The following AKT3 variants were observed in gnomAD, a reference collection of about 807,000 sequenced individuals.
The protein encoded by AKT3 is AKT serine/threonine kinase 3.
A neutral mutation model predicts 65.3 loss-of-function variants in AKT3; 15 were observed. The ratio of observed to expected loss-of-function variants is 0.23; its 90% CI spans 0.15 to 0.35. The LOEUF is 0.35. Ranked by LOEUF, AKT3 falls within the 10% of genes least tolerant of loss-of-function variation. The pLI is 1.00. For synonymous variants in AKT3, 206 were observed against 183.8 expected, an observed-to-expected ratio of 1.12 and a Z score of -0.98; for missense variants, 243 against 576.5, an observed-to-expected ratio of 0.42 and a Z score of 5.92.
chr1:243,808,822 C>T (rs1051179508), intron 2 of AKT3, among the ~76,000 whole-genome samples: 2 of 152,222 alleles, frequency 1.3e-5, no homozygotes, highest in Admixed American at 1.3e-4. Context: ...ATCAGACTAA[C>T]AGCTGATCTC....
intron 12 of AKT3, among the ~76,000 whole-genome samples, chr1:243,535,091 T>TAA (rs1671800958): frequency 1.5e-5 from 2 of 136,366 alleles, no homozygotes; most frequent in South Asian, 4.3e-4. Flanking sequence ...ACATGTTAAG[T>TAA]AAGTGTATTT....
In AKT3 at chr1:243,664,862, T is replaced by G. The variant is rs2147921750; in HGVS notation, c.194A>C (p.Glu65Ala). ...SVAKCQLMKT[E>A]RPKPNTFIIR... Reference sequence around the variant, plus strand: ...TATAAATGTGTTTGGCTTTGGTCGTTCTGTTTTCATTAACTGGCATTCTAA... The same window carrying G: ...TATAAATGTGTTTGGCTTTGGTCGTGCTGTTTTCATTAACTGGCATTCTAA... Residue 65 changes from glutamate (E) to alanine (A), a missense_variant, in exon 4 of 14, where the codon GAA (glutamate) becomes GCA (alanine). Glu to Ala is a moderately radical substitution (Grantham distance 107). Coordinates refer to ENST00000673466, the MANE Select transcript of AKT3 (RefSeq NM_005465.7). 6.4e-7 allele frequency: 1 copy of G among 1,570,404 alleles called. No individual in the cohort carries two copies. The highest frequency in any genetic ancestry group is 1.7e-4 in the Middle Eastern group (1 of 5,948).
intron 2 of AKT3, among the ~76,000 whole-genome samples, chr1:243,805,424 C>T (rs772362192): frequency 6.6e-6 from 1 of 152,130 alleles, no homozygotes; most frequent in Non-Finnish European, 1.5e-5. Context: ...TTTTCTCTAA[C>T]TTAAAAAAAA....
intron 5 of AKT3, among the ~76,000 whole-genome samples, chr1:243,641,468 T>C (rs1680394767): frequency 1.3e-5 from 2 of 151,882 alleles, no homozygotes; most frequent in African/African-American, 4.8e-5. Context: ...CATTTTTTTA[T>C]TTAAAAGCAC....
rs955757904 is a variant in AKT3 at position 243,500,363 on chromosome 1, C to T, written c.*4886G>A. The T allele has an allele frequency of 4.4e-6, 1 of 225,036 alleles. No homozygotes were observed. The highest frequency in any genetic ancestry group is 2.2e-5 in the African/African-American group (1 of 44,892). 13.9% of individuals were successfully genotyped at this position (225,036 alleles called of 1,614,324 possible). A position where few individuals can be genotyped will look rare whatever the true frequency, so the allele number is the denominator to read the frequency against. On this transcript the variant is annotated 3_prime_UTR_variant, in exon 14 of 14. Transcript: ENST00000673466. ...GCATTACTCTTTCCATTCTGTTAAA[C>T]AACGAAAACAGACAAAAAAGCATCT...
intron 2 of AKT3, among the ~76,000 whole-genome samples, chr1:243,816,868 G>A (rs1693557003): frequency 6.6e-6 from 1 of 152,132 alleles, no homozygotes; most frequent in Admixed American, 6.5e-5. Flanking sequence ...GATTACAGGA[G>A]GCCATAAATT....
intron 8 of AKT3, chr1:243,612,637 T>C (rs1000447331): frequency 1.3e-5 from 2 of 154,820 alleles, no homozygotes; most frequent in South Asian, 2.1e-4. Flanking sequence ...TTCCCTCACA[T>C]TGACTGTGAT....
At chr1:243,849,442 G>T (rs1453634355) in intron 1 of AKT3, among the ~76,000 whole-genome samples, 3 of 148,898 alleles carry the variant, frequency 2.0e-5, no homozygotes, top group Admixed American at 2.0e-4. Context: ...GGCGGGGAAG[G>T]GTGGGGGAAG....
At chr1:243,621,623 G>C (rs910307913) in intron 6 of AKT3, among the ~76,000 whole-genome samples, 1 of 152,084 alleles carries the variant, frequency 6.6e-6, no homozygotes, top group Admixed American at 6.6e-5. Context: ...ATGCCTATTT[G>C]GCATGGATGT....
chr1:243,489,396 C>A (rs1279900605), intron 13 of AKT3, among the ~76,000 whole-genome samples: 1 of 152,208 alleles, frequency 6.6e-6, no homozygotes, highest in Admixed American at 6.5e-5. Flanking sequence ...CACCGAGTGC[C>A]AAGTTGCGCC....
intron 5 of AKT3, among the ~76,000 whole-genome samples, chr1:243,643,230 A>C (rs1429053264): frequency 1.3e-5 from 2 of 152,132 alleles, no homozygotes; most frequent in Non-Finnish European, 2.9e-5. Context: ...TACTACAGCC[A>C]GGAATTAGGT....
chr1:243,659,671 A>C (rs1215797156), intron 4 of AKT3, among the ~76,000 whole-genome samples: 1 of 152,222 alleles, frequency 6.6e-6, no homozygotes, highest in East Asian at 1.9e-4. Flanking sequence ...AGATGAGATG[A>C]TGGGCTCGCC....
chr1:243,794,746 G>C (rs111881379), intron 2 of AKT3, among the ~76,000 whole-genome samples: 12 of 152,148 alleles, frequency 7.9e-5, no homozygotes, highest in Non-Finnish European at 1.6e-4. Flanking sequence ...GCTTCAACTG[G>C]GAGAGAGCAT....
intron 4 of AKT3, among the ~76,000 whole-genome samples, chr1:243,657,233 C>T (rs555392021): frequency 2.6e-5 from 4 of 152,228 alleles, no homozygotes; most frequent in East Asian, 1.9e-4. Context: ...CTTCTATGAA[C>T]CGTGAAGAGG....
At chr1:243,752,738 A>G (rs559995248) in intron 2 of AKT3, among the ~76,000 whole-genome samples, 7 of 152,332 alleles carry the variant, frequency 4.6e-5, no homozygotes, top group African/African-American at 1.7e-4. Context: ...TTTGCTCCAG[A>G]GAACAATTAT....
At chr1:243,601,761 T>A (rs1356190036) in intron 8 of AKT3, among the ~76,000 whole-genome samples, 1 of 152,202 alleles carries the variant, frequency 6.6e-6, no homozygotes, top group East Asian at 1.9e-4. Flanking sequence ...TGGAACAGTA[T>A]CTATAAATTT....
intron 8 of AKT3, among the ~76,000 whole-genome samples, chr1:243,584,747 C>G (rs1249237367): frequency 6.6e-6 from 1 of 151,950 alleles, no homozygotes; most frequent in African/African-American, 2.4e-5. Flanking sequence ...AGGAACATAC[C>G]TGAAAATAAT....
intron 1 of AKT3, chr1:243,843,513 A>G: frequency 9.2e-7 from 1 of 1,084,568 alleles, no homozygotes; most frequent in African/African-American, 1.6e-5. Flanking sequence ...GGTTGCAACA[A>G]AAAAGTCTTA....
chr1:243,657,425 A>G (rs929344593), intron 4 of AKT3, among the ~76,000 whole-genome samples: 1 of 152,348 alleles, frequency 6.6e-6, no homozygotes, highest in Middle Eastern at 3.4e-3. Flanking sequence ...GTACTTTAGG[A>G]ATAAACTTAA....
Sources: allele counts gnomAD v4.1 joint callset (sites outside exome capture counted in the v4.1 genomes callset), GRCh38; gene constraint gnomAD v4.1.1; transcripts MANE v1.5; gene names NCBI Gene and HGNC (gene_info 2026-07-23, HGNC 2026-07-21).